Variants in C22orf31 observed in about 807,000 individuals in gnomAD.
C22orf31 encodes uncharacterized protein C22orf31.
C22orf31 carries 11 observed loss-of-function variants against 15.0 expected under a neutral mutation model. That is an observed-to-expected ratio of 0.73 (90% confidence interval 0.46 to 1.21). The LOEUF is 1.21. Among genes scored for constraint, C22orf31 ranks in the 50% most tolerant of loss-of-function variants. The pLI, the probability that C22orf31 is intolerant of heterozygous loss-of-function variation, is 0.00. For missense variants in C22orf31, 340 were observed against 347.2 expected, an observed-to-expected ratio of 0.98 and a Z score of 0.17; for synonymous variants, 132 against 133.3, an observed-to-expected ratio of 0.99 and a Z score of 0.07.
chr22:29,073,342 T>C, the C22orf31 span: 1 of 268,730 alleles, frequency 3.7e-6, no homozygotes, highest in Non-Finnish European at 6.2e-6. The surrounding 1 kb of genome is among the most constrained non-coding windows in gnomAD (Gnocchi z 4.4). Flanking sequence ...CCGGGCCCCT[T>C]CCCCTCGCCC....
rs898417189 is a variant in C22orf31 at position 29,059,559 on chromosome 22, G to A, written c.433-377C>T. The A allele has an allele frequency of 3.1e-5, 11 of 360,348 alleles. No homozygotes were observed. In the East Asian group the frequency reaches 8.3e-4, roughly 27 times the overall value. 22.3% of individuals were successfully genotyped at this position (360,348 alleles called of 1,614,324 possible). ...CATGAAGCCCTATGAGGGAAGGGCC[G>A]TTATCCCCCATTTAATATGATAATA... On this transcript the variant is annotated intron_variant, in intron 2 of 2. Transcript: ENST00000216071.
upstream of C22orf31, chr22:29,061,966 G>A (rs1189705098): frequency 5.4e-6 from 3 of 555,498 alleles, no homozygotes; most frequent in Non-Finnish European, 9.8e-6. Flanking sequence ...TTTAGATGTG[G>A]GCTCAATGCA....
the C22orf31 span, among the ~76,000 whole-genome samples, chr22:29,067,894 A>T: frequency 6.6e-6 from 1 of 152,156 alleles, no homozygotes; most frequent in South Asian, 2.1e-4. Context: ...TACAAATGTG[A>T]GCCACCATAC....
chr22:29,065,319 A>G (rs1333446040), upstream of C22orf31, among the ~76,000 whole-genome samples: 3 of 152,122 alleles, frequency 2.0e-5, no homozygotes, highest in Non-Finnish European at 4.4e-5. Context: ...CGCACCTATA[A>G]TCCCAGCACT....
At chr22:29,073,036 C>T in the C22orf31 span, 2 of 206,376 alleles carry the variant, frequency 9.7e-6, no homozygotes, top group African/African-American at 4.8e-5. This position sits in a 1 kb window ranked among gnomAD's most constrained non-coding sequence, Gnocchi z 4.4. Flanking sequence ...CGGGGCTACA[C>T]TCGGGCCCCG....
At chr22:29,073,100 G>C in the C22orf31 span, 1 of 811,036 alleles carries the variant, frequency 1.2e-6, no homozygotes, top group African/African-American at 1.9e-5. The surrounding 1 kb of genome is among the most constrained non-coding windows in gnomAD (Gnocchi z 4.4). Context: ...TTTACCCCGG[G>C]CCGCGCCCCG....
chr22:29,071,408 G>A, the C22orf31 span, among the ~76,000 whole-genome samples: 1 of 151,502 alleles, frequency 6.6e-6, no homozygotes, highest in African/African-American at 2.4e-5. Flanking sequence ...GGGGAAAGGA[G>A]TTTGGGGGTA....
chr22:29,065,194 C>A (rs547244268), upstream of C22orf31, among the ~76,000 whole-genome samples: 15 of 152,272 alleles, frequency 9.9e-5, no homozygotes, highest in Admixed American at 7.2e-4. Flanking sequence ...ACTCATCTGA[C>A]CCTTTCTTGA....
At position 29,060,340 on chromosome 22, in the gene C22orf31, C is replaced by T. The variant is rs1489551687; in HGVS notation, c.432+75G>A. 5.6e-5 allele frequency: 76 copies of T among 1,350,570 alleles called. No homozygotes were observed. The East Asian group carries it at 6.7e-4, about 12-fold the overall frequency. 83.7% of individuals were successfully genotyped at this position (1,350,570 alleles called of 1,614,324 possible). ...TAGCCGCACGCCATATAATCTCAAC[C>T]GTTAAGTGTTCTCTGGCTTTACCTT... On this transcript the variant is annotated intron_variant, in intron 2 of 2. Coordinates refer to ENST00000216071, the MANE Select transcript of C22orf31 (RefSeq NM_015370.2).
the C22orf31 span, among the ~76,000 whole-genome samples, chr22:29,071,362 C>A: frequency 2.0e-4 from 30 of 151,874 alleles, no homozygotes; most frequent in African/African-American, 7.3e-4. Context: ...GAGGTAGCTG[C>A]GCCCTTGGGG....
rs758448004 is a variant in C22orf31 at position 29,058,739 on chromosome 22, T to C, written c.*3A>G. 2 of 1,600,886 alleles carry C rather than the reference T, an allele frequency of 1.2e-6. No individual in the cohort carries two copies. Among genetic ancestry groups the C allele is most frequent in the Non-Finnish European group, 1.7e-6 (2 of 1,173,170 alleles). ...AATACTCTAATCCCATGAGTTCTTG[T>C]TCCTATTTTTTGCTCTTTAACTTGG... On this transcript the variant is annotated 3_prime_UTR_variant, in exon 3 of 3. Transcript: ENST00000216071.
chr22:29,060,645 G>C lies in C22orf31; in HGVS notation c.202C>G (p.Pro68Ala), dbSNP rs373086966. ...TTSSWEVVRN[P>A]LIASSFSLVK... ...AGGGAGAAGGAACTGGCAATTAATGGGTTCCTTACAACTTCCCAAGAGGAA... is the reference window on the plus strand; with the variant it reads ...AGGGAGAAGGAACTGGCAATTAATGCGTTCCTTACAACTTCCCAAGAGGAA... Residue 68 changes from proline to alanine, a missense_variant, in exon 2 of 3, where the codon CCA becomes GCA. By Grantham distance (27) the Pro-to-Ala change is conservative (BLOSUM62 -1). Transcript: ENST00000216071. The C allele has an allele frequency of 3.1e-6, 5 of 1,613,952 alleles. No homozygotes were observed. The highest frequency in any genetic ancestry group is 4.2e-6 in the Non-Finnish European group (5 of 1,179,976).
the C22orf31 span, chr22:29,073,190 C>A: frequency 8.4e-7 from 1 of 1,191,084 alleles, no homozygotes. This position sits in a 1 kb window ranked among gnomAD's most constrained non-coding sequence, Gnocchi z 4.4. Context: ...CGCTGGCGGC[C>A]CGGCCCGCGC....
At chr22:29,073,093 A>T in the C22orf31 span, 1 of 699,170 alleles carries the variant, frequency 1.4e-6, no homozygotes, top group African/African-American at 2.0e-5. This position sits in a 1 kb window ranked among gnomAD's most constrained non-coding sequence, Gnocchi z 4.4. Context: ...TGCCCCCTTT[A>T]CCCCGGGCCG....
At chr22:29,069,531 T>C in the C22orf31 span, among the ~76,000 whole-genome samples, 2 of 152,120 alleles carry the variant, frequency 1.3e-5, no homozygotes, top group African/African-American at 4.8e-5. Flanking sequence ...CTGCATTCAG[T>C]GTCCTCACTC....
chr22:29,061,712 T>C, intron 1 of C22orf31, 78 bp downstream of exon 1: 1 of 1,122,556 alleles, frequency 8.9e-7, no homozygotes, highest in Non-Finnish European at 1.3e-6. Flanking sequence ...ACAGAACAAT[T>C]TGGATAGATT....
upstream of C22orf31, among the ~76,000 whole-genome samples, chr22:29,066,097 A>T: frequency 6.7e-6 from 1 of 149,432 alleles, no homozygotes; most frequent in Non-Finnish European, 1.5e-5. Flanking sequence ...TCTTCTTTTT[A>T]GCTTCTCTTA....
the C22orf31 span, among the ~76,000 whole-genome samples, chr22:29,071,902 G>C: frequency 6.6e-6 from 1 of 152,180 alleles, no homozygotes; most frequent in Non-Finnish European, 1.5e-5. Flanking sequence ...GTTGCGTTGG[G>C]CGTTTTACTT....
the C22orf31 span, among the ~76,000 whole-genome samples, chr22:29,067,070 T>G: frequency 6.6e-6 from 1 of 152,210 alleles, no homozygotes; most frequent in African/African-American, 2.4e-5. Flanking sequence ...AATGATACAG[T>G]GCAGCCTCAA....
Sources: gnomAD v4.1 joint callset for allele counts (sites outside exome capture counted in the v4.1 genomes callset) on GRCh38, gnomAD v4.1.1 for gene constraint, Gnocchi (gnomAD v3.1) non-coding constraint, MANE v1.5 for transcripts, NCBI Gene and HGNC (gene_info 2026-07-23, HGNC 2026-07-21) for gene names.